Variants in NEBL observed in about 807,000 individuals in gnomAD.
NEBL encodes the protein LIM and SH3 protein 2.
A neutral mutation model predicts 140.2 loss-of-function variants in NEBL; 122 were observed. That is an observed-to-expected ratio of 0.87 (90% CI 0.75 to 1.01). The LOEUF (loss-of-function observed/expected upper bound fraction) is 1.01. Among genes scored for constraint, NEBL ranks in the 50% least tolerant of loss-of-function variants. The pLI, the probability that NEBL is intolerant of heterozygous loss-of-function variation, is 0.00. For missense variants in NEBL, 1,365 were observed against 1,231.3 expected (o/e 1.11, Z -1.62); for synonymous variants, 436 against 398.9 (o/e 1.09, Z -1.11).
At chr10:20,807,818 T>C (rs577994754) in intron 26 of NEBL, among the ~76,000 whole-genome samples, 55 of 152,284 alleles carry the variant, frequency 3.6e-4, no homozygotes, top group African/African-American at 1.2e-3. Flanking sequence ...GTCTTAACCT[T>C]TAAAAACAGA....
At chr10:20,850,762 A>C (rs1842429877) in intron 10 of NEBL, among the ~76,000 whole-genome samples, 1 of 152,214 alleles carries the variant, frequency 6.6e-6, no homozygotes, top group South Asian at 2.1e-4. Flanking sequence ...GCATCTTGTC[A>C]AATGGCTGGA....
intron 1 of NEBL, among the ~76,000 whole-genome samples, chr10:21,252,262 T>G (rs1227926589): frequency 6.6e-6 from 1 of 152,250 alleles, no homozygotes; most frequent in Admixed American, 6.5e-5. Flanking sequence ...ATTGATTCTT[T>G]CTTTTTGCAA....
chr10:21,274,808 TTTTAA>T (rs1401543571), intron 1 of NEBL, among the ~76,000 whole-genome samples: 2 of 152,048 alleles, frequency 1.3e-5, no homozygotes, highest in Non-Finnish European at 2.9e-5. Flanking sequence ...TATTTGCTTT[TTTTAA>T]TTTAAATTAT....
chr10:20,818,998 A>G (rs992543908), intron 20 of NEBL: 1 of 978,034 alleles, frequency 1.0e-6, no homozygotes, highest in Non-Finnish European at 1.2e-6. Flanking sequence ...TGCTGCATGT[A>G]CATATTCACT....
At chr10:21,028,539 C>T (rs549218817) in intron 2 of NEBL, among the ~76,000 whole-genome samples, 1 of 152,014 alleles carries the variant, frequency 6.6e-6, no homozygotes, top group African/African-American at 2.4e-5. Flanking sequence ...AAAGACAAAG[C>T]TAAAATACTG....
chr10:21,059,704 A>G (rs1216150776), intron 2 of NEBL, among the ~76,000 whole-genome samples: 1 of 152,226 alleles, frequency 6.6e-6, no homozygotes, highest in Non-Finnish European at 1.5e-5. Flanking sequence ...CCATTGTCTC[A>G]ACTTTTTTCA....
At chr10:20,959,210 TACCTATATTA>T (rs904075693) in intron 4 of NEBL, among the ~76,000 whole-genome samples, 6 of 152,276 alleles carry the variant, frequency 3.9e-5, no homozygotes, top group African/African-American at 1.2e-4. Context: ...TTAGTTAACC[TACCTATATTA>T]ACCTATATTA....
intron 1 of NEBL, among the ~76,000 whole-genome samples, chr10:21,277,095 C>G (rs760055441): frequency 5.9e-5 from 9 of 151,982 alleles, no homozygotes; most frequent in Admixed American, 1.3e-4. Flanking sequence ...CACTACTGTA[C>G]TCCAGCCTGA....
At chr10:21,016,441 A>G (rs950315138) in intron 3 of NEBL, among the ~76,000 whole-genome samples, 1 of 152,304 alleles carries the variant, frequency 6.6e-6, no homozygotes, top group Middle Eastern at 3.4e-3. Flanking sequence ...TCAGGAAGAG[A>G]GGGGGGGAAA....
At chr10:21,185,254 G>A (rs1841446090) in intron 3 of NEBL, among the ~76,000 whole-genome samples, 1 of 152,236 alleles carries the variant, frequency 6.6e-6, no homozygotes, top group African/African-American at 2.4e-5. Flanking sequence ...CCCTTGTTCT[G>A]GCTCCTTACA....
chr10:21,033,207 T>C (rs1363956178), intron 2 of NEBL, among the ~76,000 whole-genome samples: 1 of 152,118 alleles, frequency 6.6e-6, no homozygotes, highest in Non-Finnish European at 1.5e-5. Flanking sequence ...ACACGCAGAT[T>C]TGGGACTCGA....
chr10:21,196,223 C>G, intron 3 of NEBL, among the ~76,000 whole-genome samples: 1 of 151,964 alleles, frequency 6.6e-6, no homozygotes, highest in Non-Finnish European at 1.5e-5. Context: ...AGGCTGGTCT[C>G]GAACTCCTGA....
chr10:21,181,103 A>G (rs990376647), intron 3 of NEBL, among the ~76,000 whole-genome samples: 1 of 152,048 alleles, frequency 6.6e-6, no homozygotes, highest in African/African-American at 2.4e-5. Context: ...CTCTACTAAA[A>G]ATACAAAAAA....
At chr10:21,067,302 A>G (rs1185642938) in intron 2 of NEBL, among the ~76,000 whole-genome samples, 2 of 152,156 alleles carry the variant, frequency 1.3e-5, no homozygotes, top group Non-Finnish European at 2.9e-5. Flanking sequence ...TGAAATACAT[A>G]AATGCTGGAG....
chr10:21,212,127 T>C (rs1841927150), intron 3 of NEBL, among the ~76,000 whole-genome samples: 1 of 151,246 alleles, frequency 6.6e-6, no homozygotes, highest in Non-Finnish European at 1.5e-5. Context: ...ACAGTATATA[T>C]ACAGTATTAT....
chr10:20,865,283 A>G (rs1037915297), intron 7 of NEBL, among the ~76,000 whole-genome samples: 10 of 152,200 alleles, frequency 6.6e-5, no homozygotes, highest in Non-Finnish European at 1.2e-4. Flanking sequence ...TCATGTTTCT[A>G]TGGGCCAGGC....
At chr10:21,025,338 T>C (rs1468617689) in intron 2 of NEBL, among the ~76,000 whole-genome samples, 4 of 152,206 alleles carry the variant, frequency 2.6e-5, no homozygotes, top group African/African-American at 9.6e-5. Context: ...GGCTGAAGTG[T>C]GTGTATCAAG....
At chr10:21,272,512 C>A (rs907842248) in intron 1 of NEBL, among the ~76,000 whole-genome samples, 1 of 151,980 alleles carries the variant, frequency 6.6e-6, no homozygotes, top group Non-Finnish European at 1.5e-5. Context: ...TCAACTGAGG[C>A]CAGAAGTTTG....
chr10:21,246,172 C>T (rs1018114770), intron 3 of NEBL, among the ~76,000 whole-genome samples: 3 of 152,186 alleles, frequency 2.0e-5, no homozygotes, highest in African/African-American at 7.2e-5. Context: ...ACTGTGTCTT[C>T]TCTGCCTTTC....
Sources: gnomAD v4.1 joint callset for allele counts (sites outside exome capture counted in the v4.1 genomes callset) on GRCh38, gnomAD v4.1.1 for gene constraint, MANE v1.5 for transcripts, NCBI Gene and HGNC (gene_info 2026-07-23, HGNC 2026-07-21) for gene names.